CEP72: variants seen among roughly 807,000 people sequenced by gnomAD.
CEP72 encodes the protein centrosomal protein 72.
Under a neutral mutation model 65.7 loss-of-function variants are expected in CEP72, and 78 were observed. The ratio of observed to expected loss-of-function variants is 1.19; its 90% CI spans 0.99 to 1.43. The LOEUF (loss-of-function observed/expected upper bound fraction) is 1.43, where lower values mean the gene tolerates loss of function less well. Ranked by LOEUF, CEP72 falls within the 40% of genes most tolerant of loss-of-function variation. CEP72 has a pLI of 0.00. For synonymous variants in CEP72, 358 were observed against 351.7 expected, an observed-to-expected ratio of 1.02 and a Z score of -0.20; for missense variants, 914 against 832.9, an observed-to-expected ratio of 1.10 and a Z score of -1.20.
At chr5:637,067 G>A (rs1022778400) in intron 6 of CEP72, among the ~76,000 whole-genome samples, 1 of 152,162 alleles carries the variant, frequency 6.6e-6, no homozygotes, top group African/African-American at 2.4e-5. Flanking sequence ...TGTGTCCTGG[G>A]GGCTTAGTGG....
At chr5:666,148 G>GCACAGGCGACTTAGGT in intron 4 of CEP72, 1 of 1,604,322 alleles carries the variant, frequency 6.2e-7, no homozygotes, top group Non-Finnish European at 8.5e-7. Flanking sequence ...GCGACTTAGG[G>GCACAGGCGACTTAGGT]CTGGGCGCGG....
At chr5:646,088 T>C (rs936285697) in intron 10 of CEP72, among the ~76,000 whole-genome samples, 1 of 152,194 alleles carries the variant, frequency 6.6e-6, no homozygotes, top group African/African-American at 2.4e-5. Flanking sequence ...CTTGCTCCCA[T>C]TGGCGGCCTG....
chr5:633,037 CCGGGA>C (rs1561041606), intron 4 of CEP72, among the ~76,000 whole-genome samples: 1 of 59,068 alleles, frequency 1.7e-5, no homozygotes. Flanking sequence ...CTGTCCAGTG[CCGGGA>C]TTTAGACCAG....
chr5:629,588 G>A (rs1240338033), intron 4 of CEP72, among the ~76,000 whole-genome samples: 1 of 113,514 alleles, frequency 8.8e-6, no homozygotes, highest in Non-Finnish European at 1.8e-5. Flanking sequence ...GCCCAGTCCT[G>A]GTGGGGTTCT....
At chr5:656,744 ACTT>A (rs1739389610), downstream of CEP72, among the ~76,000 whole-genome samples, 1 of 151,822 alleles carries the variant, frequency 6.6e-6, no homozygotes, top group South Asian at 2.1e-4. Flanking sequence ...CTGGATTTTT[ACTT>A]TATGTTTTTA....
downstream of CEP72, among the ~76,000 whole-genome samples, chr5:659,419 T>C (rs1739490680): frequency 6.6e-6 from 1 of 152,284 alleles, no homozygotes. Context: ...TTTAAATGTC[T>C]GCTGGTGGCA....
intron 4 of CEP72, among the ~76,000 whole-genome samples, chr5:628,486 G>A (rs372542079): frequency 3.0e-4 from 41 of 135,744 alleles, no homozygotes; most frequent in East Asian, 9.0e-4. Context: ...TCAGGTTGCC[G>A]TCCCTGGGGA....
At chr5:668,109 A>G (rs866915219), downstream of CEP72, among the ~76,000 whole-genome samples, 3 of 60,806 alleles carry the variant, frequency 4.9e-5, no homozygotes, top group East Asian at 3.8e-4. Context: ...TCAGGGAAGT[A>G]CCGACAAGCA....
chr5:640,798 C>G (rs1737963687), intron 9 of CEP72, 194 bp downstream of exon 9: 1 of 985,368 alleles, frequency 1.0e-6, no homozygotes, highest in African/African-American at 1.7e-5. Flanking sequence ...AGGCCTGGAG[C>G]ACTTTGGAGA....
intron 9 of CEP72, 46 bp downstream of exon 9, chr5:640,650 A>G (rs1169141440): frequency 6.4e-7 from 1 of 1,557,428 alleles, no homozygotes; most frequent in Non-Finnish European, 8.7e-7. Flanking sequence ...GACTGGGGGA[A>G]ACATGGCTCT....
chr5:656,202 T>A (rs1172183698), downstream of CEP72, among the ~76,000 whole-genome samples: 1 of 152,206 alleles, frequency 6.6e-6, no homozygotes, highest in Non-Finnish European at 1.5e-5. Context: ...TGTCCGTTTC[T>A]GCATCTCCTT....
At chr5:666,534 C>A (rs1463650329) in intron 4 of CEP72, among the ~76,000 whole-genome samples, 24 of 152,192 alleles carry the variant, frequency 1.6e-4, no homozygotes, top group Non-Finnish European at 5.9e-5. Context: ...TGGAGGTGTC[C>A]CCCACACAGG....
chr5:633,171 C>T (rs1342062021), intron 4 of CEP72, among the ~76,000 whole-genome samples: 4 of 86,746 alleles, frequency 4.6e-5, no homozygotes, highest in African/African-American at 6.7e-5. Flanking sequence ...TTGGCCCAGT[C>T]CTGGTGGGGT....
intron 4 of CEP72, among the ~76,000 whole-genome samples, chr5:627,838 G>T (rs1736852384): frequency 6.6e-6 from 1 of 152,172 alleles, no homozygotes; most frequent in African/African-American, 2.4e-5. Context: ...CTTTACAGTA[G>T]TGTTTGGTTG....
At chr5:667,191 G>A (rs1016694709), downstream of CEP72, 6 of 152,252 alleles carry the variant, frequency 3.9e-5, no homozygotes, top group African/African-American at 1.4e-4. Flanking sequence ...AGCTCATCGA[G>A]GCTTGACTGC....
chr5:628,813 A>T lies in CEP72; in HGVS notation c.512+4234A>T, dbSNP rs111434019. On this transcript the variant is annotated intron_variant, in intron 4 of 11. Transcript: ENST00000264935. ...TCTTTGTGCAGCTTCTGGAGAACTC[A>T]GGTTGCCGTCCCCAGGGAGTGGCCC... Among the ~76,000 whole-genome samples the T allele has an allele frequency of 3.0e-3, 317 of 106,754 alleles. 3 individuals carry two copies. The highest frequency in any genetic ancestry group is 0.015 in the African/African-American group (280 of 18,830). The allele number at this position is 106,754 out of a possible 152,430, so 70.0% of individuals were successfully genotyped here. A position where few individuals can be genotyped will look rare whatever the true frequency, so the allele number is the denominator to read the frequency against.
At chr5:612,492 G>T in intron 1 of CEP72, 49 bp downstream of exon 1, 1 of 1,367,814 alleles carries the variant, frequency 7.3e-7, no homozygotes, top group South Asian at 1.6e-5. Context: ...GCGGGGGGGT[G>T]GGTGCCGAGC....
chr5:645,069 A>G lies in CEP72; in HGVS notation c.1666+644A>G, dbSNP rs948053467. On this transcript the variant is annotated intron_variant, in intron 10 of 11. Coordinates refer to ENST00000264935, the MANE Select transcript of CEP72 (RefSeq NM_018140.4). This position sits in a 1 kb window ranked among gnomAD's most constrained non-coding sequence, Gnocchi z 4.0. ...TGGAGTCTCTTGGAAGTTTTAACTCATACTTCCCTGAGATTGACAAGTCGA... is the reference window on the plus strand; with the variant it reads ...TGGAGTCTCTTGGAAGTTTTAACTCGTACTTCCCTGAGATTGACAAGTCGA... Among the ~76,000 whole-genome samples, 7 of 152,064 alleles carry G rather than the reference A, an allele frequency of 4.6e-5. 1 individual carries two copies. Among genetic ancestry groups the G allele is most frequent in the African/African-American group, 1.5e-4 (6 of 41,378 alleles).
intron 11 of CEP72, among the ~76,000 whole-genome samples, chr5:649,076 G>C (rs1440367664): frequency 7.0e-6 from 1 of 143,848 alleles, no homozygotes; most frequent in African/African-American, 2.8e-5. Context: ...GGACTGTGAG[G>C]TGTGACTGTG....
Sources: allele counts gnomAD v4.1 joint callset (sites outside exome capture counted in the v4.1 genomes callset), GRCh38; gene constraint gnomAD v4.1.1; non-coding constraint Gnocchi (gnomAD v3.1); transcripts MANE v1.5; gene names NCBI Gene and HGNC (gene_info 2026-07-23, HGNC 2026-07-21).